ANKH: variants seen among roughly 807,000 people sequenced by gnomAD.
ANKH encodes the protein mineralization regulator ANKH.
Under a neutral mutation model 49.0 loss-of-function variants are expected in ANKH, and 15 were observed. The ratio of observed to expected loss-of-function variants is 0.31; its 90% CI spans 0.20 to 0.47. ANKH has a LOEUF of 0.47. Ranked by LOEUF, ANKH falls within the 20% of genes least tolerant of loss-of-function variation. The pLI is 1.00. For missense variants in ANKH, 429 were observed against 652.0 expected, an observed-to-expected ratio of 0.66 and a Z score of 3.72; for synonymous variants, 273 against 260.0, an observed-to-expected ratio of 1.05 and a Z score of -0.48.
chr5:14,763,685 T>C (rs1561044241), intron 2 of ANKH, among the ~76,000 whole-genome samples: 2 of 152,264 alleles, frequency 1.3e-5, no homozygotes, highest in African/African-American at 4.8e-5. Context: ...AAGAATTTAT[T>C]GCAGGAGATC....
At chr5:14,818,845 G>A (rs1741119776) in intron 1 of ANKH, among the ~76,000 whole-genome samples, 1 of 152,110 alleles carries the variant, frequency 6.6e-6, no homozygotes. Context: ...TCTTTGAAAT[G>A]TGCACACAAT....
chr5:14,743,814 A>AT (rs1472082427), intron 7 of ANKH, among the ~76,000 whole-genome samples: 4 of 152,320 alleles, frequency 2.6e-5, no homozygotes, highest in Admixed American at 6.5e-5. Flanking sequence ...CGTTAAAGGA[A>AT]TTTTTTTATA....
At chr5:14,802,268 G>C (rs983250203) in intron 1 of ANKH, among the ~76,000 whole-genome samples, 2 of 151,720 alleles carry the variant, frequency 1.3e-5, no homozygotes, top group Non-Finnish European at 2.9e-5. Flanking sequence ...TCTTCTCACC[G>C]AGACTTGGCA....
At chr5:14,784,473 C>T (rs1006403882) in intron 1 of ANKH, among the ~76,000 whole-genome samples, 2 of 152,138 alleles carry the variant, frequency 1.3e-5, no homozygotes, top group African/African-American at 4.8e-5. Context: ...CGGTGCACGG[C>T]CTCACACAGA....
At chr5:14,767,309 T>C (rs1428075064) in intron 2 of ANKH, among the ~76,000 whole-genome samples, 1 of 152,154 alleles carries the variant, frequency 6.6e-6, no homozygotes, top group African/African-American at 2.4e-5. Flanking sequence ...AGGCCAACAC[T>C]CTAGAAAAGG....
intron 1 of ANKH, among the ~76,000 whole-genome samples, chr5:14,850,396 T>A (rs1742090268): frequency 1.3e-5 from 2 of 152,380 alleles, no homozygotes; most frequent in South Asian, 4.1e-4. Flanking sequence ...GCACTCTGGA[T>A]GATAGAAGAT....
chr5:14,840,190 A>G (rs1010918538), intron 1 of ANKH, among the ~76,000 whole-genome samples: 3 of 152,240 alleles, frequency 2.0e-5, no homozygotes, highest in Non-Finnish European at 2.9e-5. Context: ...AAGAGATCCA[A>G]TGCTCTTCTA....
intron 1 of ANKH, among the ~76,000 whole-genome samples, chr5:14,803,092 G>T (rs767329503): frequency 6.6e-6 from 1 of 152,158 alleles, no homozygotes; most frequent in Non-Finnish European, 1.5e-5. Flanking sequence ...GTCACATCCA[G>T]CATGTAAGTA....
intron 8 of ANKH, among the ~76,000 whole-genome samples, chr5:14,738,087 AAACCCAGTGATC>A: frequency 6.6e-6 from 1 of 152,310 alleles, no homozygotes; most frequent in South Asian, 2.1e-4. Context: ...GCTTTTCTTA[AAACCCAGTGATC>A]AACAAAACTG....
intron 1 of ANKH, among the ~76,000 whole-genome samples, chr5:14,833,176 T>C (rs948875640): frequency 2.6e-5 from 4 of 152,218 alleles, no homozygotes; most frequent in East Asian, 1.9e-4. Context: ...TGTCTTCAGA[T>C]GTTCAGAGGC....
chr5:14,800,471 T>C (rs1209024844), intron 1 of ANKH, among the ~76,000 whole-genome samples: 2 of 152,230 alleles, frequency 1.3e-5, no homozygotes, highest in Non-Finnish European at 2.9e-5. Context: ...GCAAACTTCA[T>C]TCCTGTCTTA....
chr5:14,732,497 T>C (rs893650920), intron 8 of ANKH, among the ~76,000 whole-genome samples: 1 of 152,146 alleles, frequency 6.6e-6, no homozygotes, highest in African/African-American at 2.4e-5. Flanking sequence ...TATAGATACA[T>C]ATATATAATT....
At position 14,824,554 on chromosome 5, in the gene ANKH, A is replaced by G. The variant is rs1340433193; in HGVS notation, c.96+46798T>C. ...GAATGCGAATAGCTGTATGTTAATCATAATACAAAATAAGAAGTAATTTCC... is the reference window on the plus strand; with the variant it reads ...GAATGCGAATAGCTGTATGTTAATCGTAATACAAAATAAGAAGTAATTTCC... On this transcript the variant is annotated intron_variant, in intron 1 of 11. Coordinates refer to ENST00000284268, the MANE Select transcript of ANKH (RefSeq NM_054027.6). Among the ~76,000 whole-genome samples, 6 of 152,224 alleles carry G rather than the reference A, an allele frequency of 3.9e-5. No homozygotes were observed. The South Asian group carries it at 1.0e-3, about 26-fold the overall frequency.
rs1016627387 is a variant in ANKH, at chr5:14,721,856, G to A, written c.1012-5021C>T. ...GAGGCAGGAGAATGGCGTGAATCGG[G>A]GAGGCGGAGCTTGCAGTGAGCTGAG... On this transcript the variant is annotated intron_variant, in intron 8 of 11. Transcript: ENST00000284268. 6.0e-5 allele frequency among the ~76,000 whole-genome samples: 9 copies of A among 150,814 alleles called. No homozygotes were observed. The South Asian group carries it at 8.5e-4, about 14-fold the overall frequency.
intron 1 of ANKH, among the ~76,000 whole-genome samples, chr5:14,836,468 C>A (rs1167648728): frequency 6.6e-6 from 1 of 152,112 alleles, no homozygotes; most frequent in East Asian, 1.9e-4. Flanking sequence ...TTCTTATACA[C>A]CAATAACAGA....
chr5:14,842,748 T>C (rs1258832374), intron 1 of ANKH, among the ~76,000 whole-genome samples: 1 of 152,138 alleles, frequency 6.6e-6, no homozygotes, highest in African/African-American at 2.4e-5. Context: ...CAAGCCCAAG[T>C]ATGAACGACA....
At chr5:14,754,999 C>T (rs995894138) in intron 4 of ANKH, among the ~76,000 whole-genome samples, 1 of 148,088 alleles carries the variant, frequency 6.8e-6, no homozygotes, top group Non-Finnish European at 1.5e-5. Context: ...TCACTTGAAC[C>T]TGGGTAGTGG....
intron 1 of ANKH, among the ~76,000 whole-genome samples, chr5:14,822,353 T>C (rs1461481559): frequency 6.6e-6 from 1 of 152,176 alleles, no homozygotes; most frequent in Non-Finnish European, 1.5e-5. Context: ...TACTAGAAAA[T>C]TTTAAGTTAT....
At chr5:14,832,389 G>C (rs1331161205) in intron 1 of ANKH, among the ~76,000 whole-genome samples, 1 of 152,154 alleles carries the variant, frequency 6.6e-6, no homozygotes, top group African/African-American at 2.4e-5. Context: ...TGCAGTGAGG[G>C]TTAAAAAACA....
Sources: allele counts gnomAD v4.1 joint callset (sites outside exome capture counted in the v4.1 genomes callset), GRCh38; gene constraint gnomAD v4.1.1; transcripts MANE v1.5; gene names NCBI Gene and HGNC (gene_info 2026-07-23, HGNC 2026-07-21).